SERPINE3: variants seen among roughly 807,000 people sequenced by gnomAD.
SERPINE3 encodes serpin E3.
SERPINE3 carries 43 observed loss-of-function variants against 41.7 expected under a neutral mutation model. That is an observed-to-expected ratio of 1.03 (90% confidence interval 0.81 to 1.33). The LOEUF (loss-of-function observed/expected upper bound fraction) is 1.33. Ranked by LOEUF, SERPINE3 falls within the 40% of genes most tolerant of loss-of-function variation. The pLI is 0.00. For synonymous variants in SERPINE3, 200 were observed against 192.2 expected, an observed-to-expected ratio of 1.04 and a Z score of -0.34; for missense variants, 440 against 491.7, an observed-to-expected ratio of 0.89 and a Z score of 0.99.
rs533163400 is a variant in SERPINE3 at position 51,340,548 on chromosome 13, C to T, written c.-95-236C>T. On this transcript the variant is annotated intron_variant, in intron 1 of 9. Coordinates refer to ENST00000681248, the MANE Select transcript of SERPINE3 (RefSeq NM_001386375.1). ...TTCCCCATACAAATGAGTCACTGGG[C>T]CTCAAAGGTTCAATCATCCTCTTTA... is the stretch of plus-strand genomic sequence containing the variant. 1.9e-3 allele frequency among the ~76,000 whole-genome samples: 287 copies of T among 152,192 alleles called. 1 individual carries two copies. The highest frequency in any genetic ancestry group is 5.4e-3 in the South Asian group (26 of 4,806).
At chr13:51,347,356 T>C (rs935340019) in intron 5 of SERPINE3, 122 bp downstream of exon 5, 14 of 820,896 alleles carry the variant, frequency 1.7e-5, no homozygotes, top group Admixed American at 4.5e-5. Context: ...GTCCATCTGC[T>C]GGACTGGGCA....
chr13:51,364,358 A>G lies in SERPINE3; in HGVS notation c.*76A>G. 1 of 791,336 alleles carries G rather than the reference A, an allele frequency of 1.3e-6. No individual in the cohort carries two copies. The highest frequency in any genetic ancestry group is 1.9e-6 in the Non-Finnish European group (1 of 520,182). The allele number at this position is 791,336 out of a possible 1,614,324, so 49.0% of individuals were successfully genotyped here. On this transcript the variant is annotated 3_prime_UTR_variant, in exon 10 of 10. Transcript: ENST00000681248. Reference sequence around the variant, plus strand: ...CATTTTGCTATACCCTTGAAATTTAAAAAAATGTCTGATAAAGTGTAAAAA... The same window carrying G: ...CATTTTGCTATACCCTTGAAATTTAGAAAAATGTCTGATAAAGTGTAAAAA...
In SERPINE3 at chr13:51,362,072, A is replaced by G. The variant is rs1417841244; in HGVS notation, c.1171+179A>G. 9.0e-6 allele frequency: 14 copies of G among 1,554,242 alleles called. No individual in the cohort carries two copies. The East Asian group carries it at 3.2e-4, about 36-fold the overall frequency. On this transcript the variant is annotated intron_variant, in intron 9 of 9. Coordinates refer to ENST00000681248, the MANE Select transcript of SERPINE3 (RefSeq NM_001386375.1). ...AGAAAGGGGACTATTTCGTAAGTAC[A>G]AAGGAAACTTATCCTCCATGTTTTT...
chr13:51,343,725 A>G (rs893180455), intron 3 of SERPINE3, among the ~76,000 whole-genome samples: 13 of 152,178 alleles, frequency 8.5e-5, no homozygotes, highest in Non-Finnish European at 2.9e-5. Flanking sequence ...CTGAATCCAA[A>G]TGTTACTCAG....
chr13:51,341,140 C>A lies in SERPINE3; in HGVS notation c.49C>A (p.Arg17=), dbSNP rs539627838. 3.7e-6 allele frequency: 6 copies of A among 1,613,876 alleles called. No individual in the cohort carries two copies. The African/African-American group carries it at 5.3e-5, about 14-fold the overall frequency. ...CTTCCTCTTTCACTCTTGCTGCCTC[C>A]GAGCAAATGGCCACCTCCGTGAAGG... The part of the protein sequence containing the change: ...TLFLFHSCCL[R]ANGHLREGMT... Residue 17 remains arginine, a synonymous_variant, in exon 3 of 10, where the codon CGA becomes AGA. Coordinates refer to ENST00000681248, the MANE Select transcript of SERPINE3 (RefSeq NM_001386375.1).
intron 6 of SERPINE3, chr13:51,354,094 T>A (rs1419317951): frequency 3.9e-5 from 6 of 152,176 alleles, no homozygotes; most frequent in Admixed American, 3.9e-4. Flanking sequence ...ATATATTTTA[T>A]CCAGTATAAA....
intron 6 of SERPINE3, among the ~76,000 whole-genome samples, chr13:51,349,142 T>C (rs1593639847): frequency 6.6e-6 from 1 of 152,234 alleles, no homozygotes; most frequent in Non-Finnish European, 1.5e-5. Flanking sequence ...TAACCATTTT[T>C]TGACCAGCAT....
chr13:51,341,174 T>C lies in SERPINE3; in HGVS notation c.83T>C (p.Leu28Ser), dbSNP rs1955285944. The change falls in exon 3 of 10, where the codon TTG becomes TCG. Residue 28 changes from leucine to serine, a missense_variant. By Grantham distance (145) the Leu-to-Ser change is moderately radical. Transcript: ENST00000681248. ...GGCCACCTCCGTGAAGGAATGACAT[T>C]GCTGAAGACTGAGTTTGCACTTCAC... Reference protein sequence around the residue: ...ANGHLREGMTLLKTEFALHLY... With the variant: ...ANGHLREGMTSLKTEFALHLY... 1 of 1,613,932 alleles carries C rather than the reference T, an allele frequency of 6.2e-7. No homozygotes were observed. The highest frequency in any genetic ancestry group is 1.7e-5 in the Admixed American group (1 of 60,006).
At position 51,347,211 on chromosome 13, in the gene SERPINE3, A is replaced by G. The variant is rs754241963; in HGVS notation, c.677A>G (p.His226Arg). The part of the protein sequence containing the change: ...YGLVLQVPMM[H>R]QTTEVNYGQF... ...CTCGTCCTTCAGGTCCCCATGATGC[A>G]CCAAACGACCGAGGTCAACTACGGT... Residue 226 changes from histidine to arginine, a missense_variant, in exon 5 of 10, where the codon CAC becomes CGC. Transcript: ENST00000681248. 7 of 1,613,842 alleles carry G rather than the reference A, an allele frequency of 4.3e-6. No homozygotes were observed. Among genetic ancestry groups the G allele is most frequent in the Non-Finnish European group, 5.9e-6 (7 of 1,179,846 alleles).
At chr13:51,347,310 C>A in intron 5 of SERPINE3, 76 bp downstream of exon 5, 1 of 1,265,264 alleles carries the variant, frequency 7.9e-7, no homozygotes, top group South Asian at 1.3e-5. Context: ...GAGGCCAGGT[C>A]CCTGCTCCTA....
At position 51,341,151 on chromosome 13, in the gene SERPINE3, C is replaced by T; in HGVS notation, c.60C>T (p.Gly20=). ...LFHSCCLRAN[G]HLREGMTLLK... ...ACTCTTGCTGCCTCCGAGCAAATGG[C>T]CACCTCCGTGAAGGAATGACATTGC... The change falls in exon 3 of 10, where the codon GGC becomes GGT. Residue 20 remains glycine (G), a synonymous_variant. Coordinates refer to ENST00000681248, the MANE Select transcript of SERPINE3 (RefSeq NM_001386375.1). 6.2e-7 allele frequency: 1 copy of T among 1,613,936 alleles called. No homozygotes were observed. The highest frequency in any genetic ancestry group is 8.5e-7 in the Non-Finnish European group (1 of 1,179,796).
At chr13:51,341,388 T>C (rs1955289634) in intron 3 of SERPINE3, 41 bp downstream of exon 3, 1 of 1,531,340 alleles carries the variant, frequency 6.5e-7, no homozygotes, top group Non-Finnish European at 8.8e-7. Context: ...TACCCTCCTG[T>C]TCACACTCAC....
chr13:51,357,938 T>C (rs991920892), intron 7 of SERPINE3, among the ~76,000 whole-genome samples: 3 of 152,154 alleles, frequency 2.0e-5, no homozygotes, highest in Admixed American at 6.6e-5. Flanking sequence ...TCTCTGTTAC[T>C]ATGACTTAAA....
chr13:51,347,970 C>T (rs1193090487), intron 5 of SERPINE3, among the ~76,000 whole-genome samples: 4 of 152,002 alleles, frequency 2.6e-5, no homozygotes, highest in Admixed American at 2.0e-4. Flanking sequence ...CCCCCCCATA[C>T]CCAGTCCTAG....
Position 51,361,263 on chromosome 13 carries a change from A to G in SERPINE3, c.1001-15A>G. On this transcript the variant is annotated splice_polypyrimidine_tract_variant and intron_variant, in intron 7 of 9. Transcript: ENST00000681248. The stretch of plus-strand genomic sequence containing the variant: ...TTAATGAGCAACTCACATTTTTATC[A>G]TTTTCTGTGGTTAGGCCAAGATGGC... 1 of 1,576,256 alleles carries G rather than the reference A, an allele frequency of 6.3e-7. No homozygotes were observed.
intron 3 of SERPINE3, among the ~76,000 whole-genome samples, chr13:51,342,454 G>A (rs1189682542): frequency 6.6e-6 from 1 of 152,218 alleles, no homozygotes; most frequent in Admixed American, 6.5e-5. Context: ...GGAGTGTTGA[G>A]TGTTTAGCAC....
Position 51,364,393 on chromosome 13 carries a change from A to G in SERPINE3, c.*111A>G. 3.5e-6 allele frequency: 2 copies of G among 566,064 alleles called. No homozygotes were observed. The highest frequency in any genetic ancestry group is 4.6e-4 in the Middle Eastern group (1 of 2,166). 35.1% of individuals were successfully genotyped at this position (566,064 alleles called of 1,614,324 possible). Reference sequence around the variant, plus strand: ...TGATAAAGTGTAAAAAGCTAAGGGTATGTGATTTTCAATATTATAAACCTA... The same window carrying G: ...TGATAAAGTGTAAAAAGCTAAGGGTGTGTGATTTTCAATATTATAAACCTA... On this transcript the variant is annotated 3_prime_UTR_variant, in exon 10 of 10. Coordinates refer to ENST00000681248, the MANE Select transcript of SERPINE3 (RefSeq NM_001386375.1).
intron 4 of SERPINE3, 132 bp downstream of exon 4, chr13:51,344,617 A>T: frequency 1.4e-6 from 1 of 703,218 alleles, no homozygotes; most frequent in Non-Finnish European, 2.4e-6. Flanking sequence ...CTCTTAGGAG[A>T]TCCTACCCTT....
At chr13:51,354,470 T>C (rs1955449799) in intron 6 of SERPINE3, 1 of 152,016 alleles carries the variant, frequency 6.6e-6, no homozygotes, top group Non-Finnish European at 1.5e-5. Context: ...TACAAATGAA[T>C]TGGAGCCTGG....
Sources: gnomAD v4.1 joint callset for allele counts (sites outside exome capture counted in the v4.1 genomes callset) on GRCh38, gnomAD v4.1.1 for gene constraint, MANE v1.5 for transcripts, NCBI Gene and HGNC (gene_info 2026-07-23, HGNC 2026-07-21) for gene names.